The following GRM5 variants were observed in gnomAD, a reference collection of about 807,000 sequenced individuals.
The protein encoded by GRM5 is glutamate metabotropic receptor 5.
In GRM5, 19 loss-of-function variants were observed where a neutral mutation model predicts 83.1. That is an observed-to-expected ratio of 0.23 (90% CI 0.16 to 0.34). GRM5 has a LOEUF of 0.34. GRM5 is among the 10% of genes least tolerant of loss of function. GRM5 has a pLI of 1.00. For missense variants in GRM5, 1,160 were observed against 1,588.3 expected (o/e 0.73, Z 4.58); for synonymous variants, 675 against 633.6 (o/e 1.07, Z -0.98).
At chr11:88,673,779 T>C (rs1362863553) in intron 3 of GRM5, among the ~76,000 whole-genome samples, 1 of 151,612 alleles carries the variant, frequency 6.6e-6, no homozygotes, top group Non-Finnish European at 1.5e-5. Flanking sequence ...GGGAGATGTA[T>C]TGAGTAGAAA....
chr11:88,965,047 A>T (rs1282323105), intron 2 of GRM5, among the ~76,000 whole-genome samples: 1 of 152,200 alleles, frequency 6.6e-6, no homozygotes, highest in African/African-American at 2.4e-5. Context: ...CTACATCAAT[A>T]ATAGCATTTT....
intron 2 of GRM5, among the ~76,000 whole-genome samples, chr11:89,028,692 T>C (rs1435740934): frequency 6.6e-6 from 1 of 152,194 alleles, no homozygotes. Context: ...AAACACACAA[T>C]GTAATGATCT....
At chr11:88,808,774 G>A (rs577769694) in intron 3 of GRM5, among the ~76,000 whole-genome samples, 1 of 152,066 alleles carries the variant, frequency 6.6e-6, no homozygotes, top group East Asian at 1.9e-4. Flanking sequence ...TGGCTTGGCA[G>A]AAATCTCTGA....
In GRM5 at chr11:88,567,121, G is replaced by A. The variant is rs769864881; in HGVS notation, c.2562C>T (p.Ser854=). ...CTAGGCTGCTGGATCTGCTGGCTGCGGAGGATGACTTGCCATCCCCTACAT... is the reference window on the plus strand; with the variant it reads ...CTAGGCTGCTGGATCTGCTGGCTGCAGAGGATGACTTGCCATCCCCTACAT... ...RMHVGDGKSS[S]AASRSSSLVN... is the part of the protein sequence containing the mutation. Residue 854 remains serine (S), a synonymous_variant, in exon 8 of 10, where the codon TCC becomes TCT. Coordinates refer to ENST00000305447, the MANE Select transcript of GRM5 (RefSeq NM_001143831.3). This position sits in a 1 kb window ranked among gnomAD's most constrained non-coding sequence, Gnocchi z 7.3. 18 of 1,613,872 alleles carry A rather than the reference G, an allele frequency of 1.1e-5. No homozygotes were observed. Among genetic ancestry groups the A allele is most frequent in the South Asian group, 4.4e-5 (4 of 91,068 alleles).
chr11:88,587,555 G>T (rs112067262), intron 7 of GRM5, among the ~76,000 whole-genome samples: 141 of 152,164 alleles, frequency 9.3e-4, no homozygotes, highest in African/African-American at 3.2e-3. Flanking sequence ...TGAGTGATGG[G>T]ATTCAGGACA....
intron 3 of GRM5, among the ~76,000 whole-genome samples, chr11:88,688,499 T>C (rs1248163266): frequency 8.5e-5 from 13 of 152,136 alleles, no homozygotes; most frequent in South Asian, 2.1e-4. Context: ...CCATAAAATA[T>C]TGACTAAAAG....
intron 2 of GRM5, chr11:88,925,795 G>T: frequency 2.2e-6 from 1 of 451,082 alleles, no homozygotes; most frequent in Non-Finnish European, 4.4e-6. Flanking sequence ...TGTAATCCTA[G>T]CTCCTCTGGA....
At chr11:88,563,820 G>A (rs1942811321) in intron 8 of GRM5, among the ~76,000 whole-genome samples, 1 of 152,198 alleles carries the variant, frequency 6.6e-6, no homozygotes, top group African/African-American at 2.4e-5. Context: ...GTTATACACT[G>A]GCTTTTCATA....
At chr11:88,693,651 C>A (rs1362096130) in intron 3 of GRM5, among the ~76,000 whole-genome samples, 1 of 152,132 alleles carries the variant, frequency 6.6e-6, no homozygotes, top group East Asian at 1.9e-4. Flanking sequence ...GATGGGCTGC[C>A]CATGTAAGCC....
chr11:88,639,073 G>GT (rs1040866442), intron 4 of GRM5, among the ~76,000 whole-genome samples: 8 of 151,776 alleles, frequency 5.3e-5, no homozygotes, highest in African/African-American at 1.5e-4. Flanking sequence ...TTGGTTTGTG[G>GT]TTTTTTTCCC....
rs1201314367 is a variant in GRM5 at position 89,049,934 on chromosome 11, G to T, written c.-200-1862C>A. On this transcript the variant is annotated intron_variant, in intron 1 of 9. Coordinates refer to ENST00000305447, the MANE Select transcript of GRM5 (RefSeq NM_001143831.3). ...ATGTGAATTCTGCTGCAGACAAAAA[G>T]AAATATCTAAAGTTAAAGAAAGCAC... 1.6e-4 allele frequency among the ~76,000 whole-genome samples: 24 copies of T among 152,118 alleles called. No individual in the cohort carries two copies. The East Asian group carries it at 3.9e-3, about 25-fold the overall frequency.
chr11:89,023,636 G>C (rs567205582), intron 2 of GRM5, among the ~76,000 whole-genome samples: 12 of 151,948 alleles, frequency 7.9e-5, no homozygotes, highest in African/African-American at 2.9e-4. Flanking sequence ...ACGAGGTCAG[G>C]AGTTCAATAC....
chr11:88,732,820 T>TTAGA (rs1941834141), intron 3 of GRM5, among the ~76,000 whole-genome samples: 3 of 151,948 alleles, frequency 2.0e-5, no homozygotes, highest in Non-Finnish European at 4.4e-5. Flanking sequence ...ACCCCTCTGG[T>TTAGA]TAGATAGAAA....
chr11:88,962,207 T>C (rs1170695061), intron 2 of GRM5, among the ~76,000 whole-genome samples: 1 of 152,210 alleles, frequency 6.6e-6, no homozygotes, highest in Non-Finnish European at 1.5e-5. Flanking sequence ...CCATTCGCCA[T>C]GCACTCACCA....
chr11:88,837,138 C>T (rs529604738), intron 3 of GRM5, among the ~76,000 whole-genome samples: 1 of 152,196 alleles, frequency 6.6e-6, no homozygotes, highest in African/African-American at 2.4e-5. Flanking sequence ...TTCAGAATCA[C>T]CTTTAACTCT....
At chr11:88,977,642 C>G (rs919497231) in intron 2 of GRM5, among the ~76,000 whole-genome samples, 1 of 152,180 alleles carries the variant, frequency 6.6e-6, no homozygotes, top group African/African-American at 2.4e-5. Flanking sequence ...GAATTTGAGA[C>G]TAGCTCAAAA....
At chr11:88,609,688 G>A (rs540071810) in intron 4 of GRM5, among the ~76,000 whole-genome samples, 1 of 152,114 alleles carries the variant, frequency 6.6e-6, no homozygotes, top group Non-Finnish European at 1.5e-5. Flanking sequence ...TAGGTTGTCT[G>A]TTTACTCTGC....
chr11:88,764,882 C>G (rs959047575), intron 3 of GRM5, among the ~76,000 whole-genome samples: 4 of 151,070 alleles, frequency 2.6e-5, no homozygotes, highest in Non-Finnish European at 1.5e-5. Context: ...GTAATAGAGA[C>G]TAGAAAGATT....
intron 2 of GRM5, among the ~76,000 whole-genome samples, chr11:88,898,584 G>T (rs1433896374): frequency 6.6e-6 from 1 of 151,850 alleles, no homozygotes; most frequent in African/African-American, 2.4e-5. Context: ...TATCACAGGT[G>T]CTCAAATATA....
Sources: allele counts gnomAD v4.1 joint callset (sites outside exome capture counted in the v4.1 genomes callset), GRCh38; gene constraint gnomAD v4.1.1; non-coding constraint Gnocchi (gnomAD v3.1); transcripts MANE v1.5; gene names NCBI Gene and HGNC (gene_info 2026-07-23, HGNC 2026-07-21).